TFCP2: variants seen among roughly 807,000 people sequenced by gnomAD.
The protein encoded by TFCP2 is alpha-globin transcription factor CP2.
Under a neutral mutation model 73.4 loss-of-function variants are expected in TFCP2, and 33 were observed. The observed-to-expected ratio is 0.45, with a 90% CI of 0.34 to 0.60. The LOEUF (loss-of-function observed/expected upper bound fraction) is 0.60, where lower values mean the gene tolerates loss of function less well. TFCP2 is among the 20% of genes least tolerant of loss of function. TFCP2 has a pLI of 0.01. For synonymous variants in TFCP2, 193 were observed against 211.6 expected (o/e 0.91, Z 0.76); for missense variants, 352 against 604.0 (o/e 0.58, Z 4.37).
intron 1 of TFCP2, among the ~76,000 whole-genome samples, chr12:51,151,238 T>C (rs866988236): frequency 3.3e-5 from 5 of 152,168 alleles, no homozygotes; most frequent in African/African-American, 4.8e-5. Flanking sequence ...GCAGACCATA[T>C]GGATCCTTGA....
chr12:51,126,933 G>A (rs1241416443), intron 1 of TFCP2, among the ~76,000 whole-genome samples: 11 of 152,172 alleles, frequency 7.2e-5, no homozygotes, highest in East Asian at 1.9e-4. Flanking sequence ...AGATCAGGGA[G>A]GAGACCTGGC....
At chr12:51,165,708 T>C (rs1181754559) in intron 1 of TFCP2, among the ~76,000 whole-genome samples, 3 of 152,194 alleles carry the variant, frequency 2.0e-5, no homozygotes, top group Non-Finnish European at 4.4e-5. Flanking sequence ...GTAAATGTAC[T>C]TAATTACACT....
intron 1 of TFCP2, among the ~76,000 whole-genome samples, chr12:51,154,011 A>G (rs529227699): frequency 6.7e-6 from 1 of 148,934 alleles, no homozygotes; most frequent in African/African-American, 2.5e-5. Context: ...AAAGGTTCCA[A>G]TTCCTCTACA....
chr12:51,119,727 G>A (rs1273970283), intron 1 of TFCP2, among the ~76,000 whole-genome samples: 1 of 150,486 alleles, frequency 6.6e-6, no homozygotes, highest in Non-Finnish European at 1.5e-5. Context: ...TCCAGCCTGG[G>A]CAACAAAGGC....
At position 51,110,890 on chromosome 12, in the gene TFCP2, G is replaced by C; in HGVS notation, c.551C>G (p.Ser184Cys). ...GCAACGCCTTACCTGAATAAACACA[G>C]ATGTCCTCTTTGCAGGGTCCCACAG... ...EFLWDPAKRT[S>C]VFIQVHCIST... is the part of the protein sequence containing the mutation. Residue 184 changes from serine to cysteine, a missense_variant, in exon 5 of 15, where the codon TCT (serine) becomes TGT (cysteine). Transcript: ENST00000257915. 6.2e-7 allele frequency: 1 copy of C among 1,612,916 alleles called. No homozygotes were observed. Among genetic ancestry groups the C allele is most frequent in the Non-Finnish European group, 8.5e-7 (1 of 1,179,006 alleles).
intron 5 of TFCP2, 143 bp from the exon 6 acceptor site, chr12:51,109,416 G>T: frequency 1.3e-6 from 1 of 763,408 alleles, no homozygotes; most frequent in Non-Finnish European, 2.1e-6. Flanking sequence ...TTTTGATCTT[G>T]AAGAACTTAC....
At chr12:51,135,379 A>G (rs1318278955) in intron 1 of TFCP2, among the ~76,000 whole-genome samples, 1 of 152,104 alleles carries the variant, frequency 6.6e-6, no homozygotes, top group East Asian at 1.9e-4. Context: ...GTGAGCCGAG[A>G]TCGTGCCACT....
At chr12:51,138,933 C>T (rs953932808) in intron 1 of TFCP2, among the ~76,000 whole-genome samples, 3 of 152,120 alleles carry the variant, frequency 2.0e-5, no homozygotes, top group Admixed American at 6.6e-5. Flanking sequence ...CCACCATGCC[C>T]GGCCAGACCA....
intron 1 of TFCP2, among the ~76,000 whole-genome samples, chr12:51,127,980 T>C (rs1940850187): frequency 6.6e-6 from 1 of 151,536 alleles, no homozygotes; most frequent in East Asian, 1.9e-4. Flanking sequence ...AGTGCAGTGG[T>C]GCGATCTCGG....
rs916323503 is a variant in TFCP2, at chr12:51,094,397, T to C, written c.*844A>G. 12 of 152,236 alleles carry C rather than the reference T, an allele frequency of 7.9e-5. No individual in the cohort carries two copies. The highest frequency in any genetic ancestry group is 2.7e-4 in the African/African-American group (11 of 41,462). The allele number at this position is 152,236 out of a possible 1,614,324, so 9.4% of individuals were successfully genotyped here. On this transcript the variant is annotated 3_prime_UTR_variant, in exon 15 of 15. Transcript: ENST00000257915. ...CCTCAGTTCATACTCAGTGTTATGT[T>C]GTAGTCACCAGAAGGGCCACAGTAA...
chr12:51,097,272 G>A (rs531150130), intron 13 of TFCP2, among the ~76,000 whole-genome samples: 1 of 149,316 alleles, frequency 6.7e-6, no homozygotes, highest in Admixed American at 6.7e-5. Context: ...TTTTTTGGAT[G>A]AAGTCTCGCT....
chr12:51,103,571 A>G, intron 10 of TFCP2, 99 bp downstream of exon 10: 2 of 797,484 alleles, frequency 2.5e-6, no homozygotes, highest in Non-Finnish European at 4.1e-6. Flanking sequence ...GATCTCTCAT[A>G]CACATATACA....
In TFCP2 at chr12:51,163,916, A is replaced by T. The variant is rs1941700142; in HGVS notation, c.122+8385T>A. On this transcript the variant is annotated intron_variant, in intron 1 of 14. Coordinates refer to ENST00000257915, the MANE Select transcript of TFCP2 (RefSeq NM_005653.5). Reference sequence around the variant, plus strand: ...AGCAGAGATAAGTGAAATAAAGAATAAAAATAAGGCAGGTGCAGTACCTCA... The same window carrying T: ...AGCAGAGATAAGTGAAATAAAGAATTAAAATAAGGCAGGTGCAGTACCTCA... Among the ~76,000 whole-genome samples, 5 of 151,628 alleles carry T rather than the reference A, an allele frequency of 3.3e-5. No individual in the cohort carries two copies. In the South Asian group the frequency reaches 1.0e-3, roughly 32 times the overall value.
At chr12:51,154,980 G>A (rs572432636) in intron 1 of TFCP2, among the ~76,000 whole-genome samples, 3 of 152,324 alleles carry the variant, frequency 2.0e-5, no homozygotes, top group African/African-American at 7.2e-5. Context: ...ACTGGTGTGT[G>A]AGTAGGTTGA....
At position 51,093,900 on chromosome 12, in the gene TFCP2, T is replaced by G. The variant is rs1939889667; in HGVS notation, c.*1341A>C. ...ACACAATCTTAGAACATTATCTTTG[T>G]GTACCTCAACATAACCTGTAAAAGT... On this transcript the variant is annotated 3_prime_UTR_variant, in exon 15 of 15. Transcript: ENST00000257915. 1 of 151,422 alleles carries G rather than the reference T, an allele frequency of 6.6e-6. No individual in the cohort carries two copies. The allele number at this position is 151,422 out of a possible 1,614,324, so 9.4% of individuals were successfully genotyped here.
intron 1 of TFCP2, chr12:51,124,656 A>T (rs1440487873): frequency 3.4e-6 from 2 of 591,004 alleles, no homozygotes; most frequent in Non-Finnish European, 6.4e-6. Context: ...CGCGGCTTCC[A>T]ACTTGCACAG....
At chr12:51,137,101 G>GTA (rs1592819085) in intron 1 of TFCP2, among the ~76,000 whole-genome samples, 1 of 152,128 alleles carries the variant, frequency 6.6e-6, no homozygotes, top group East Asian at 1.9e-4. Flanking sequence ...AGCACTTTAA[G>GTA]AAGTGCTTCT....
intron 1 of TFCP2, among the ~76,000 whole-genome samples, chr12:51,161,731 C>A (rs1321115534): frequency 2.9e-5 from 4 of 136,348 alleles, no homozygotes; most frequent in African/African-American, 1.1e-4. Flanking sequence ...CCACTGCACT[C>A]CAGCCTGGGA....
At chr12:51,171,125 C>A (rs1342568914) in intron 1 of TFCP2, among the ~76,000 whole-genome samples, 1 of 152,166 alleles carries the variant, frequency 6.6e-6, no homozygotes, top group East Asian at 1.9e-4. Flanking sequence ...AAGCATCTTT[C>A]CCCTATGAAC....
Sources: allele counts gnomAD v4.1 joint callset (sites outside exome capture counted in the v4.1 genomes callset), GRCh38; gene constraint gnomAD v4.1.1; transcripts MANE v1.5; gene names NCBI Gene and HGNC (gene_info 2026-07-23, HGNC 2026-07-21).